Variants in PTPRH observed in about 807,000 individuals in gnomAD.
PTPRH encodes receptor-type tyrosine-protein phosphatase H.
In PTPRH, 113 loss-of-function variants were observed where a neutral mutation model predicts 130.2. That is an observed-to-expected ratio of 0.87 (90% CI 0.75 to 1.01). The LOEUF (loss-of-function observed/expected upper bound fraction) is 1.01. Ranked by LOEUF, PTPRH falls within the 50% of genes least tolerant of loss-of-function variation. PTPRH has a pLI of 0.00. For missense variants in PTPRH, 1,430 were observed against 1,425.0 expected, an observed-to-expected ratio of 1.00 and a Z score of -0.06; for synonymous variants, 556 against 577.9, an observed-to-expected ratio of 0.96 and a Z score of 0.54.
rs12982861 is a variant in PTPRH, at chr19:55,204,787, C to T, written c.619+539G>A. ...AGGAGAACAGAGAAGGAAATGGAAG[C>T]CCTTCAACAGGGCTTTCAAACATAT... On this transcript the variant is annotated intron_variant, in intron 4 of 19. Transcript: ENST00000376350. Among the ~76,000 whole-genome samples, 609 of 152,316 alleles carry T rather than the reference C, an allele frequency of 4.0e-3. 3 individuals are homozygous for T. The highest frequency in any genetic ancestry group is 7.0e-3 in the Non-Finnish European group (473 of 68,040).
In PTPRH at chr19:55,188,153, G is replaced by A. The variant is rs752806891; in HGVS notation, c.2400C>T (p.Ile800=). The A allele has an allele frequency of 4.3e-6, 7 of 1,614,004 alleles. No individual in the cohort carries two copies. The highest frequency in any genetic ancestry group is 2.2e-5 in the South Asian group (2 of 91,076). ...CGTGGTCAGCGAAGTCTTCAGCTGG[G>A]ATGTCCCCTGGGGAGCTACGGGTTT... ...RDLVFSSPGD[I]PAEDFADHVR... The change falls in exon 13 of 20, where the codon ATC becomes ATT. Residue 800 remains isoleucine, a synonymous_variant. Coordinates refer to ENST00000376350, the MANE Select transcript of PTPRH (RefSeq NM_002842.5).
chr19:55,202,021 A>G (rs1443792143), intron 6 of PTPRH, 35 bp downstream of exon 6: 13 of 1,609,094 alleles, frequency 8.1e-6, no homozygotes, highest in Non-Finnish European at 1.0e-5. Flanking sequence ...CCCTTAAACA[A>G]ATAAGAGATC....
At chr19:55,184,177 A>G (rs889706494) in intron 18 of PTPRH, among the ~76,000 whole-genome samples, 3 of 151,894 alleles carry the variant, frequency 2.0e-5, no homozygotes, top group African/African-American at 4.8e-5. Flanking sequence ...CCAGCTACTC[A>G]GGAGGCTGAG....
Position 55,188,039 on chromosome 19 carries a change from G to A in PTPRH, c.2475+39C>T, listed in dbSNP as rs540302953. On this transcript the variant is annotated intron_variant, in intron 13 of 19. Transcript: ENST00000376350. ...GTGGGGGGTGGGGGTCTGGGCCACC[G>A]GAGGGAGACTGAGCTCAGCCCCTCT... is the stretch of plus-strand genomic sequence containing the variant. The A allele has an allele frequency of 2.7e-5, 42 of 1,552,728 alleles. No homozygotes were observed. In the East Asian group the frequency reaches 3.8e-4, roughly 14 times the overall value.
intron 17 of PTPRH, 99 bp downstream of exon 17, chr19:55,185,763 G>A: frequency 6.2e-7 from 1 of 1,601,356 alleles, no homozygotes; most frequent in East Asian, 2.2e-5. Context: ...CAGCTCCTCA[G>A]AGGAGTGGGT....
At chr19:55,188,212 T>C in intron 12 of PTPRH, 44 bp from the exon 13 acceptor site, 1 of 1,496,046 alleles carries the variant, frequency 6.7e-7, no homozygotes, top group East Asian at 2.3e-5. Context: ...GTAACTTCTT[T>C]TAATCTTGCA....
rs61734206 is a variant in PTPRH at position 55,197,393 on chromosome 19, G to A, written c.1714C>T (p.Gln572Ter). 4 of 1,613,362 alleles carry A rather than the reference G, an allele frequency of 2.5e-6. No homozygotes were observed. Among genetic ancestry groups the A allele is most frequent in the Non-Finnish European group, 2.5e-6 (3 of 1,179,310 alleles). ...ATAPNEVTDL[Q>*]NETQTKNSVM... ...GAGTTCTTAGTCTGAGTTTCATTCT[G>A]GAGATCTGTGACCTCATTGGGAGCT... Residue 572 changes from glutamine to a stop codon, truncating the protein, a stop_gained, in exon 9 of 20, where the codon CAG (glutamine) becomes TAG (stop). Coordinates refer to ENST00000376350, the MANE Select transcript of PTPRH (RefSeq NM_002842.5). LOFTEE classifies it high-confidence loss of function.
Position 55,186,377 on chromosome 19 carries a change from G to C in PTPRH, c.2644-18C>G. The stretch of plus-strand genomic sequence containing the variant: ...CAGAGACCCTGGTTGAGGAAGGCAG[G>C]CGGGTCAGGGGGGCCTTTAGTTGAT... On this transcript the variant is annotated intron_variant, in intron 15 of 19. Transcript: ENST00000376350. The C allele has an allele frequency of 6.2e-7, 1 of 1,610,254 alleles. No individual in the cohort carries two copies. The highest frequency in any genetic ancestry group is 1.1e-5 in the South Asian group (1 of 91,012).
At chr19:55,204,224 A>G (rs2086971229) in intron 4 of PTPRH, among the ~76,000 whole-genome samples, 176 bp from the exon 5 acceptor site, 5 of 152,018 alleles carry the variant, frequency 3.3e-5, no homozygotes, top group Admixed American at 3.3e-4. Context: ...GGTTCAAGCG[A>G]TTCTCCTGCC....
chr19:55,186,587 C>T, intron 14 of PTPRH, 47 bp from the exon 15 acceptor site: 1 of 1,601,402 alleles, frequency 6.2e-7, no homozygotes, highest in Non-Finnish European at 8.6e-7. Context: ...CCCAGAGAGG[C>T]ACAGAGACAA....
chr19:55,207,118 G>C (rs773251170), intron 2 of PTPRH, 48 bp downstream of exon 2: 13 of 1,609,812 alleles, frequency 8.1e-6, no homozygotes, highest in Non-Finnish European at 1.1e-5. Flanking sequence ...CGGCAGTTGC[G>C]GTCCCACCTC....
At chr19:55,190,140 G>A (rs968007344) in intron 12 of PTPRH, among the ~76,000 whole-genome samples, 1 of 152,076 alleles carries the variant, frequency 6.6e-6, no homozygotes, top group African/African-American at 2.4e-5. Flanking sequence ...GGAGGCCGAG[G>A]CAGGTGGATC....
At position 55,206,819 on chromosome 19, in the gene PTPRH, T is replaced by C. The variant is rs369391051; in HGVS notation, c.222A>G (p.Thr74=). Residue 74 remains threonine, a synonymous_variant, in exon 3 of 20, where the codon ACA becomes ACG. Transcript: ENST00000376350. ...WVQCTGDGGT[T]ETRNTTATNV... is the part of the protein sequence containing the mutation. ...TGGTGGCTGTTGTGTTTCGAGTCTC[T>C]GTTGTGCCGCCGTCTCCAGTACACT... 4.1e-5 allele frequency: 66 copies of C among 1,614,020 alleles called. No individual in the cohort carries two copies. The highest frequency in any genetic ancestry group is 5.4e-5 in the Non-Finnish European group (64 of 1,180,032).
chr19:55,181,934 C>T, intron 19 of PTPRH, 31 bp from the exon 20 acceptor site: 3 of 1,613,850 alleles, frequency 1.9e-6, no homozygotes, highest in East Asian at 2.2e-5. Context: ...TGAGAGGCGT[C>T]CCCCCAGGTC....
chr19:55,193,822 C>T (rs77619910), intron 10 of PTPRH, among the ~76,000 whole-genome samples: 16,453 of 151,694 alleles, frequency 0.11, 945 homozygotes, highest in Middle Eastern at 0.17. Context: ...CGGAGCCTAC[C>T]CAGATCTGGT....
chr19:55,209,435 C>T lies in PTPRH; in HGVS notation c.-2G>A, dbSNP rs1266981614. On this transcript the variant is annotated 5_prime_UTR_variant, in exon 1 of 20. Coordinates refer to ENST00000376350, the MANE Select transcript of PTPRH (RefSeq NM_002842.5). This position sits in a 1 kb window ranked among gnomAD's most constrained non-coding sequence, Gnocchi z 4.1. ...GAGGCCCCCGCCAGCCCCAGCCATG[C>T]CTCCAGACACTGCCGGGGACCCAGG... 2 of 1,553,154 alleles carry T rather than the reference C, an allele frequency of 1.3e-6. No homozygotes were observed. The highest frequency in any genetic ancestry group is 2.4e-5 in the East Asian group (1 of 41,838).
chr19:55,205,850 T>C (rs958618238), intron 3 of PTPRH, among the ~76,000 whole-genome samples: 10 of 152,232 alleles, frequency 6.6e-5, no homozygotes, highest in African/African-American at 2.4e-4. Context: ...GTCTCATTGA[T>C]CCTTTATATA....
In PTPRH at chr19:55,205,355, C is replaced by T. The variant is rs563229541; in HGVS notation, c.590G>A (p.Ser197Asn). The T allele has an allele frequency of 1.9e-6, 3 of 1,614,172 alleles. No homozygotes were observed. The South Asian group carries it at 3.3e-5, about 18-fold the overall frequency. Residue 197 changes from serine (S) to asparagine (N), a missense_variant, in exon 4 of 20, where the codon AGC becomes AAC. Ser to Asn is a conservative substitution (Grantham distance 46, BLOSUM62 1). Coordinates refer to ENST00000376350, the MANE Select transcript of PTPRH (RefSeq NM_002842.5). ...GGTGGCATTTCGAGTCTCCCGGGAGCTGTTGATTCCATTCTTTCCCACCCA... is the reference window on the plus strand; with the variant it reads ...GGTGGCATTTCGAGTCTCCCGGGAGTTGTTGATTCCATTCTTTCCCACCCA... The part of the protein sequence containing the change: ...SMWVGKNGIN[S>N]SRETRNATTA...
chr19:55,202,131 A>G lies in PTPRH; in HGVS notation c.1078T>C (p.Cys360Arg). 1.9e-6 allele frequency: 3 copies of G among 1,613,918 alleles called. No individual in the cohort carries two copies. Among genetic ancestry groups the G allele is most frequent in the Non-Finnish European group, 2.5e-6 (3 of 1,180,000 alleles). Residue 360 changes from cysteine to arginine, a missense_variant, in exon 6 of 20, where the codon TGT (cysteine) becomes CGT (arginine). Coordinates refer to ENST00000376350, the MANE Select transcript of PTPRH (RefSeq NM_002842.5). ...ACCCACACGGAAAACACATACAAAC[A>G]CCCGGGTTCAAGTCTATCCACGGTG... ...NITVDRLEPG[C>R]LYVFSVWVGK...
Sources: allele counts gnomAD v4.1 joint callset (sites outside exome capture counted in the v4.1 genomes callset), GRCh38; gene constraint gnomAD v4.1.1; non-coding constraint Gnocchi (gnomAD v3.1); transcripts MANE v1.5; gene names NCBI Gene and HGNC (gene_info 2026-07-23, HGNC 2026-07-21).